ROBO2: variants seen among roughly 807,000 people sequenced by gnomAD.
ROBO2 encodes the protein roundabout guidance receptor 2.
A neutral mutation model predicts 160.8 loss-of-function variants in ROBO2; 53 were observed. The observed-to-expected ratio is 0.33, with a 90% confidence interval of 0.26 to 0.41. The LOEUF is 0.41. Among genes scored for constraint, ROBO2 ranks in the 10% least tolerant of loss-of-function variants. The pLI, the probability that ROBO2 is intolerant of heterozygous loss-of-function variation, is 1.00. For missense variants in ROBO2, 1,577 were observed against 1,722.4 expected, an observed-to-expected ratio of 0.92 and a Z score of 1.49; for synonymous variants, 664 against 611.7, an observed-to-expected ratio of 1.09 and a Z score of -1.26.
chr3:76,384,556 C>T (rs992516057), intron 2 of ROBO2, among the ~76,000 whole-genome samples: 1 of 152,118 alleles, frequency 6.6e-6, no homozygotes, highest in Non-Finnish European at 1.5e-5. Flanking sequence ...TCTCATGCTG[C>T]TATATAGAAC....
chr3:77,098,728 C>T (rs540291155), intron 2 of ROBO2, among the ~76,000 whole-genome samples: 5 of 152,026 alleles, frequency 3.3e-5, no homozygotes, highest in South Asian at 2.1e-4. Context: ...ATGGTGGCGG[C>T]GCCTGTAGTC....
At chr3:77,568,480 G>C in intron 13 of ROBO2, 46 bp downstream of exon 14, 1 of 1,609,264 alleles carries the variant, frequency 6.2e-7, no homozygotes, top group Non-Finnish European at 8.5e-7. Flanking sequence ...TCTCTTTCGG[G>C]AAAGCAAAAC....
chr3:76,655,533 C>T (rs1445138216), intron 2 of ROBO2, among the ~76,000 whole-genome samples: 2 of 134,748 alleles, frequency 1.5e-5, no homozygotes, highest in African/African-American at 5.4e-5. Flanking sequence ...AGGAAGGAAA[C>T]GAAGGGATGG....
chr3:76,046,838 T>C (rs970613058), intron 2 of ROBO2, among the ~76,000 whole-genome samples: 14 of 152,268 alleles, frequency 9.2e-5, no homozygotes, highest in African/African-American at 3.4e-4. Context: ...TGTTACTGGT[T>C]ACATTTCCTC....
intron 2 of ROBO2, among the ~76,000 whole-genome samples, chr3:76,901,060 A>G (rs2148873827): frequency 6.6e-6 from 1 of 152,288 alleles, no homozygotes; most frequent in Non-Finnish European, 1.5e-5. Flanking sequence ...TCACTTAATG[A>G]GACCCTGAGC....
exon 11 of ROBO2, chr3:77,563,307 G>T (rs1228889394): frequency 6.2e-7 from 1 of 1,613,470 alleles, no homozygotes; most frequent in South Asian, 1.1e-5. Flanking sequence ...TCCAGCAAGT[G>T]CATATATCAT....
intron 2 of ROBO2, among the ~76,000 whole-genome samples, chr3:77,173,518 T>C (rs2079838928): frequency 6.6e-6 from 1 of 152,104 alleles, no homozygotes; most frequent in Admixed American, 6.6e-5. Context: ...GAAAGTCCCA[T>C]GTGTTGAGCT....
chr3:76,295,767 G>A (rs1709039558), intron 2 of ROBO2, among the ~76,000 whole-genome samples: 1 of 152,120 alleles, frequency 6.6e-6, no homozygotes, highest in Non-Finnish European at 1.5e-5. Context: ...AATTCATGAT[G>A]TGACTTTACG....
intron 2 of ROBO2, among the ~76,000 whole-genome samples, chr3:76,270,470 A>G (rs1707364926): frequency 1.3e-5 from 2 of 152,056 alleles, no homozygotes; most frequent in African/African-American, 4.8e-5. Flanking sequence ...ATAGACTACG[A>G]TGTAGCAAGA....
intron 2 of ROBO2, among the ~76,000 whole-genome samples, chr3:76,481,986 A>G (rs75618836): frequency 3.6e-4 from 55 of 152,228 alleles, no homozygotes; most frequent in Non-Finnish European, 6.8e-4. Flanking sequence ...TCCAAGAAAG[A>G]CAGCATCAGG....
At chr3:77,360,953 T>C (rs752894986) in intron 2 of ROBO2, among the ~76,000 whole-genome samples, 9 of 152,168 alleles carry the variant, frequency 5.9e-5, no homozygotes, top group Admixed American at 1.3e-4. Context: ...TTTTTCTTAA[T>C]TTGGTGATTT....
intron 2 of ROBO2, among the ~76,000 whole-genome samples, chr3:77,246,506 A>G (rs1035700643): frequency 6.6e-6 from 1 of 152,142 alleles, no homozygotes; most frequent in East Asian, 1.9e-4. Context: ...TGGTCAGGCC[A>G]GGTCTAAACC....
intron 2 of ROBO2, among the ~76,000 whole-genome samples, chr3:76,281,675 C>T (rs1194302379): frequency 6.6e-6 from 1 of 151,866 alleles, no homozygotes; most frequent in Non-Finnish European, 1.5e-5. Context: ...CAAAATTCCT[C>T]CTATTATCCA....
Position 76,631,344 on chromosome 3 carries a change from G to C in ROBO2, c.110-466670G>C, listed in dbSNP as rs559309367. Reference sequence around the variant, plus strand: ...AAAAATCTTGTCATCTTTTGTTGGCGTTAAAATGCGGGAGCCTCTGGTAAA... The same window carrying C: ...AAAAATCTTGTCATCTTTTGTTGGCCTTAAAATGCGGGAGCCTCTGGTAAA... On this transcript the variant is annotated intron_variant, in intron 2 of 26. Coordinates refer to the ROBO2 transcript ENST00000487694. Among the ~76,000 whole-genome samples, 263 of 152,140 alleles carry C rather than the reference G, an allele frequency of 1.7e-3. 3 individuals are homozygous for C. Among genetic ancestry groups the C allele is most frequent in the Non-Finnish European group, 2.9e-3 (194 of 68,008 alleles).
intron 2 of ROBO2, among the ~76,000 whole-genome samples, chr3:76,438,085 G>A (rs978842215): frequency 3.3e-5 from 5 of 152,162 alleles, no homozygotes; most frequent in South Asian, 2.1e-4. Context: ...TAACTTTGTT[G>A]GATTTGCAAG....
At chr3:77,620,714 T>C (rs2094883058) in intron 22 of ROBO2, among the ~76,000 whole-genome samples, 1 of 152,188 alleles carries the variant, frequency 6.6e-6, no homozygotes, top group African/African-American at 2.4e-5. Flanking sequence ...ACATTGAGGT[T>C]GGTTACAAGT....
intron 2 of ROBO2, among the ~76,000 whole-genome samples, chr3:76,791,381 A>T (rs1464498511): frequency 6.6e-6 from 1 of 151,798 alleles, no homozygotes; most frequent in Non-Finnish European, 1.5e-5. Context: ...CTGTGTGATC[A>T]ATAGACTGTG....
chr3:77,502,605 G>T (rs1561013292), intron 5 of ROBO2, among the ~76,000 whole-genome samples: 1 of 152,118 alleles, frequency 6.6e-6, no homozygotes, highest in African/African-American at 2.4e-5. Context: ...AGTAGGGTGT[G>T]ATTGGCCCTC....
intron 1 of ROBO2, among the ~76,000 whole-genome samples, chr3:75,931,806 T>C (rs1947555523): frequency 6.6e-6 from 1 of 152,076 alleles, no homozygotes; most frequent in African/African-American, 2.4e-5. Context: ...TAATCTCTTC[T>C]CTTTTCTTAG....
Sources: gnomAD v4.1 joint callset for allele counts (sites outside exome capture counted in the v4.1 genomes callset) on GRCh38, gnomAD v4.1.1 for gene constraint, MANE v1.5 for transcripts, NCBI Gene and HGNC (gene_info 2026-07-23, HGNC 2026-07-21) for gene names.